Variants in SELENOV observed in about 807,000 individuals in gnomAD.
SELENOV encodes selenoprotein V.
Under a neutral mutation model 21.6 loss-of-function variants are expected in SELENOV, and 25 were observed. The ratio of observed to expected loss-of-function variants is 1.16; its 90% CI spans 0.84 to 1.62. The LOEUF is 1.62. SELENOV is among the 40% of genes most tolerant of loss of function. The pLI is 0.00. For synonymous variants in SELENOV, 227 were observed against 216.9 expected (o/e 1.05, Z -0.41); for missense variants, 472 against 459.0 (o/e 1.03, Z -0.26).
At chr19:39,518,965 C>T in exon 4 of SELENOV, 1 of 1,613,668 alleles carries the variant, frequency 6.2e-7, no homozygotes, top group Non-Finnish European at 8.5e-7. Flanking sequence ...GGAGACTGGT[C>T]CATTCCAAGA....
At position 39,517,076 on chromosome 19, in the gene SELENOV, C is replaced by G. The variant is rs192874713; in HGVS notation, c.809+1055C>G. On this transcript the variant is annotated intron_variant, in intron 1 of 5. Transcript: ENST00000335426. ...GTATCACTATGTTGCCCAGGCTGTT[C>G]TTGAACTCCTACATTCAAGCAGTCC... 4.8e-3 allele frequency among the ~76,000 whole-genome samples: 733 copies of G among 151,864 alleles called. 2 individuals carry two copies. Among genetic ancestry groups the G allele is most frequent in the Non-Finnish European group, 7.0e-3 (474 of 67,934 alleles).
rs1198343272 is a variant in SELENOV at position 39,515,309 on chromosome 19, A to T, written c.97A>T (p.Thr33Ser). Residue 33 changes from threonine to serine, a missense_variant, in exon 1 of 6, where the codon ACC becomes TCC. Physicochemically the swap from Thr to Ser is moderately conservative, Grantham distance 58 (BLOSUM62 1). Coordinates refer to ENST00000335426, the Ensembl canonical transcript of SELENOV. This position sits in a 1 kb window ranked among gnomAD's most constrained non-coding sequence, Gnocchi z 5.1. ...GACCCGGACACCGACTCCACTCCGG[A>T]CCCCGACTCCGGTCCGGACTCGGAC... 6 of 1,550,384 alleles carry T rather than the reference A, an allele frequency of 3.9e-6. No homozygotes were observed. The highest frequency in any genetic ancestry group is 5.2e-6 in the Non-Finnish European group (6 of 1,146,700).
In SELENOV at chr19:39,515,408, C is replaced by T. The variant is rs918754803; in HGVS notation, c.196C>T (p.Pro66Ser). Residue 66 changes from proline to serine, a missense_variant, in exon 1 of 6, where the codon CCA becomes TCA. Transcript: ENST00000335426. This position sits in a 1 kb window ranked among gnomAD's most constrained non-coding sequence, Gnocchi z 5.1. Reference sequence around the variant, plus strand: ...TTCCCCTCTGGTCCTGACTCCTGCTCCAGCCCAGATTCCCACTCTGGTCCC... The same window carrying T: ...TTCCCCTCTGGTCCTGACTCCTGCTTCAGCCCAGATTCCCACTCTGGTCCC... 1 of 1,551,628 alleles carries T rather than the reference C, an allele frequency of 6.4e-7. No individual in the cohort carries two copies. Among genetic ancestry groups the T allele is most frequent in the East Asian group, 2.4e-5 (1 of 40,904 alleles).
intron 1 of SELENOV, 148 bp downstream of exon 1, chr19:39,516,169 A>C (rs2144773102): frequency 1.4e-6 from 1 of 737,818 alleles, no homozygotes; most frequent in South Asian, 1.5e-5. Flanking sequence ...CAGATTGGAA[A>C]CCCGCTCTTG....
At chr19:39,517,580 A>T (rs12461523) in intron 1 of SELENOV, among the ~76,000 whole-genome samples, 2 of 151,844 alleles carry the variant, frequency 1.3e-5, no homozygotes, top group Admixed American at 6.6e-5. Context: ...TGAAGGAAGG[A>T]GAGAAGGAGT....
intron 1 of SELENOV, among the ~76,000 whole-genome samples, chr19:39,516,852 C>T (rs948353407): frequency 8.0e-5 from 12 of 149,954 alleles, no homozygotes; most frequent in African/African-American, 2.4e-4. Flanking sequence ...TGTGCCACCA[C>T]GCCCGGCTAA....
Position 39,515,889 on chromosome 19 carries a change from C to T in SELENOV, c.677C>T (p.Pro226Leu), listed in dbSNP as rs1166075682. 6.4e-7 allele frequency: 1 copy of T among 1,571,962 alleles called. No individual in the cohort carries two copies. Among genetic ancestry groups the T allele is most frequent in the Non-Finnish European group, 8.6e-7 (1 of 1,158,992 alleles). The stretch of plus-strand genomic sequence containing the variant: ...ATCGGGCTGGCGGATCCCCCCATTC[C>T]CAGTCCTGTCCCCTCGCCCATCCTG... The change falls in exon 1 of 6, where the codon CCC (proline) becomes CTC (leucine). Residue 226 changes from proline (P) to leucine (L), a missense_variant. Pro to Leu is a moderately conservative substitution (Grantham distance 98, BLOSUM62 -3). Transcript: ENST00000335426. The surrounding 1 kb of genome is among the most constrained non-coding windows in gnomAD (Gnocchi z 5.1).
At chr19:39,519,020 C>G in intron 4 of SELENOV, 43 bp downstream of exon 4, 1 of 1,612,376 alleles carries the variant, frequency 6.2e-7, no homozygotes, top group Non-Finnish European at 8.5e-7. Flanking sequence ...TGGGGTGGTG[C>G]TGAGGTCCTG....
chr19:39,515,151 C>G lies in SELENOV; in HGVS notation c.-62C>G. On this transcript the variant is annotated 5_prime_UTR_variant, in exon 1 of 6. Transcript: ENST00000335426. The surrounding 1 kb of genome is among the most constrained non-coding windows in gnomAD (Gnocchi z 5.1). ...AACCCGGTGCGGGAGACGCTCTCCC[C>G]GCCCAAAGAGGGAAGGCGGGCGGGA... The G allele has an allele frequency of 9.5e-7, 1 of 1,051,198 alleles. No individual in the cohort carries two copies. Among genetic ancestry groups the G allele is most frequent in the Non-Finnish European group, 1.4e-6 (1 of 716,430 alleles). The allele number at this position is 1,051,198 out of a possible 1,614,324, so 65.1% of individuals were successfully genotyped here.
chr19:39,519,758 G>A (rs1165297837), intron 5 of SELENOV, among the ~76,000 whole-genome samples: 1 of 151,810 alleles, frequency 6.6e-6, no homozygotes, highest in East Asian at 1.9e-4. Context: ...GAGGTCAGGA[G>A]ATCGAGACCA....
At chr19:39,517,543 T>C (rs2079703432) in intron 1 of SELENOV, among the ~76,000 whole-genome samples, 1 of 152,016 alleles carries the variant, frequency 6.6e-6, no homozygotes, top group Admixed American at 6.6e-5. Flanking sequence ...AAGGCCTCAC[T>C]GAGAAGGGGG....
intron 1 of SELENOV, among the ~76,000 whole-genome samples, chr19:39,517,296 T>C (rs1168022455): frequency 6.6e-6 from 1 of 152,142 alleles, no homozygotes; most frequent in Middle Eastern, 3.2e-3. Context: ...TATTCATGTA[T>C]TCATTCGACA....
chr19:39,518,590 C>A lies in SELENOV; in HGVS notation c.810-18C>A, dbSNP rs757896318. 6.3e-7 allele frequency: 1 copy of A among 1,593,224 alleles called. No homozygotes were observed. Among genetic ancestry groups the A allele is most frequent in the South Asian group, 1.1e-5 (1 of 88,398 alleles). ...CTGGTCTCTCTCTTAACTTTCTCCT[C>A]CTGCTCTTGGCCTCCAGTGGCCTCT... is the stretch of plus-strand genomic sequence containing the variant. On this transcript the variant is annotated intron_variant, in intron 1 of 5. Transcript: ENST00000335426.
At chr19:39,516,906 C>T (rs1358096885) in intron 1 of SELENOV, among the ~76,000 whole-genome samples, 3 of 151,880 alleles carry the variant, frequency 2.0e-5, no homozygotes, top group Non-Finnish European at 4.4e-5. Context: ...ACCATGTTGG[C>T]CAGGCTGGTC....
At chr19:39,518,302 AAAGAG>A (rs1432546265) in intron 1 of SELENOV, among the ~76,000 whole-genome samples, 5 of 147,580 alleles carry the variant, frequency 3.4e-5, no homozygotes, top group African/African-American at 9.9e-5. Context: ...AACAAAAAAA[AAAGAG>A]AGAGAGAGAG....
At chr19:39,519,436 C>T (rs909919298) in intron 5 of SELENOV, among the ~76,000 whole-genome samples, 2 of 151,912 alleles carry the variant, frequency 1.3e-5, no homozygotes, top group Admixed American at 6.6e-5. Context: ...CACTTGAGCC[C>T]AGGAGTTCGA....
chr19:39,518,424 C>T (rs2079710776), intron 1 of SELENOV, 184 bp from the exon 2 acceptor site: 2 of 642,224 alleles, frequency 3.1e-6, no homozygotes, highest in South Asian at 3.7e-5. Flanking sequence ...CCTGTGGTGG[C>T]TTGCAGGCCA....
At chr19:39,516,788 C>T (rs942110466) in intron 1 of SELENOV, among the ~76,000 whole-genome samples, 12 of 151,752 alleles carry the variant, frequency 7.9e-5, no homozygotes, top group Non-Finnish European at 1.2e-4. Context: ...CTCTGCCTCC[C>T]GGGTTCAAGC....
chr19:39,518,269 TCAAAAAAACAAAAAAA>T (rs67258272), intron 1 of SELENOV, among the ~76,000 whole-genome samples: 1 of 136,024 alleles, frequency 7.4e-6, no homozygotes, highest in East Asian at 2.1e-4. Flanking sequence ...AGACTCCGTC[TCAAAAAAACAAAAAAA>T]CAAAAAAACA....
Sources: gnomAD v4.1 joint callset for allele counts (sites outside exome capture counted in the v4.1 genomes callset) on GRCh38, gnomAD v4.1.1 for gene constraint, Gnocchi (gnomAD v3.1) non-coding constraint, MANE v1.5 for transcripts, NCBI Gene and HGNC (gene_info 2026-07-23, HGNC 2026-07-21) for gene names.